The following TBCD variants were observed in gnomAD, a reference collection of about 807,000 sequenced individuals.
The protein encoded by TBCD is tubulin folding cofactor D, also known as tubulin-specific chaperone D.
In TBCD, 105 loss-of-function variants were observed where a neutral mutation model predicts 169.3. The ratio of observed to expected loss-of-function variants is 0.62; its 90% CI spans 0.53 to 0.73. The LOEUF is 0.73. Among genes scored for constraint, TBCD ranks in the 30% least tolerant of loss-of-function variants. TBCD has a pLI of 0.00. For missense variants in TBCD, 1,444 were observed against 1,600.1 expected (o/e 0.90, Z 1.66); for synonymous variants, 700 against 643.9 (o/e 1.09, Z -1.32).
chr17:82,780,494 G>C lies in TBCD; in HGVS notation c.639-1095G>C, dbSNP rs577563443. On this transcript the variant is annotated intron_variant, in intron 6 of 38. Coordinates refer to ENST00000355528, the MANE Select transcript of TBCD (RefSeq NM_005993.5). ...GGGCTAATTAGCTGGGCATGGTGGC[G>C]TGCGCTTGTAGTCCCAGCTACTCGA... is the stretch of plus-strand genomic sequence containing the variant. 3.3e-5 allele frequency among the ~76,000 whole-genome samples: 5 copies of C among 151,888 alleles called. No individual in the cohort carries two copies. The South Asian group carries it at 8.3e-4, about 25-fold the overall frequency.
At chr17:82,936,300 T>C (rs1210365815) in intron 34 of TBCD, among the ~76,000 whole-genome samples, 1 of 152,258 alleles carries the variant, frequency 6.6e-6, no homozygotes, top group African/African-American at 2.4e-5. Flanking sequence ...TGTGGAGTTT[T>C]GCGTCTTTTC....
chr17:82,775,073 C>T lies in TBCD; in HGVS notation c.638+2566C>T, dbSNP rs533912973. 3.9e-5 allele frequency among the ~76,000 whole-genome samples: 6 copies of T among 152,374 alleles called. No individual in the cohort carries two copies. The East Asian group carries it at 1.2e-3, about 29-fold the overall frequency. ...GCCAGGAGGCACCATCTGAGTACTT[C>T]TCCCTCCGTGGGGTCCTCCGGGAAA... is the stretch of plus-strand genomic sequence containing the variant. On this transcript the variant is annotated intron_variant, in intron 6 of 38. Transcript: ENST00000355528.
At chr17:82,824,145 T>G (rs1452698678) in intron 13 of TBCD, among the ~76,000 whole-genome samples, 1 of 152,126 alleles carries the variant, frequency 6.6e-6, no homozygotes, top group Non-Finnish European at 1.5e-5. Context: ...TTTCATTGTA[T>G]GGACATACCA....
rs645884 is a variant in TBCD at position 82,791,110 on chromosome 17, T to C, written c.772-6647T>C. Among the ~76,000 whole-genome samples the C allele has an allele frequency of 5.4e-3, 806 of 150,478 alleles. 6 individuals carry two copies. Among genetic ancestry groups the C allele is most frequent in the African/African-American group, 0.019 (764 of 40,842 alleles). On this transcript the variant is annotated intron_variant, in intron 7 of 38. Transcript: ENST00000355528. ...TTGCATCTTTTTTTTTTTTTTTTTT[T>C]AGACGGAGTCTCGCTCTGTTGCCCT...
At chr17:82,844,772 C>T (rs561197469) in intron 13 of TBCD, among the ~76,000 whole-genome samples, 18 of 152,296 alleles carry the variant, frequency 1.2e-4, no homozygotes, top group Admixed American at 5.2e-4. Context: ...AGAATTCTTG[C>T]GATTAGGTTT....
rs543203956 is a variant in TBCD at position 82,789,222 on chromosome 17, A to G, written c.771+7501A>G. On this transcript the variant is annotated intron_variant, in intron 7 of 38. Coordinates refer to ENST00000355528, the MANE Select transcript of TBCD (RefSeq NM_005993.5). The surrounding 1 kb of genome is among the most constrained non-coding windows in gnomAD (Gnocchi z 4.8). ...GTGGCGTTAAGGAAAGACCTGGAGC[A>G]GCCAGCTCCTAACACTCATTTCCCA... Among the ~76,000 whole-genome samples the G allele has an allele frequency of 6.6e-6, 1 of 152,338 alleles. No homozygotes were observed. The highest frequency in any genetic ancestry group is 2.4e-5 in the African/African-American group (1 of 41,570).
chr17:82,868,117 C>T (rs760689631), intron 13 of TBCD, among the ~76,000 whole-genome samples: 3 of 152,250 alleles, frequency 2.0e-5, no homozygotes, highest in South Asian at 2.1e-4. Flanking sequence ...GCGTGGCTGC[C>T]GCAGTTGGGG....
rs1331514017 is a variant in TBCD at position 82,944,326 on chromosome 17, G to A, written c.*1863G>A. 6.6e-6 allele frequency: 1 copy of A among 152,184 alleles called. No homozygotes were observed. The highest frequency in any genetic ancestry group is 1.5e-5 in the Non-Finnish European group (1 of 68,042). 9.4% of individuals were successfully genotyped at this position (152,184 alleles called of 1,614,324 possible). On this transcript the variant is annotated 3_prime_UTR_variant, in exon 39 of 39. Coordinates refer to ENST00000355528, the MANE Select transcript of TBCD (RefSeq NM_005993.5). ...CACTTGTGCTCACCAGACACCTGGT[G>A]GCCTGGAAAGCCCTCTTTCAGCAGC... is the stretch of plus-strand genomic sequence containing the variant.
At chr17:82,812,709 A>C (rs1368269115) in intron 12 of TBCD, among the ~76,000 whole-genome samples, 1 of 152,114 alleles carries the variant, frequency 6.6e-6, no homozygotes, top group Non-Finnish European at 1.5e-5. Context: ...ACGCTTGGCT[A>C]ATTTTTTGTA....
intron 13 of TBCD, among the ~76,000 whole-genome samples, chr17:82,858,976 G>A (rs1160658033): frequency 2.6e-5 from 4 of 152,230 alleles, no homozygotes; most frequent in South Asian, 4.2e-4. Context: ...CCGTGAGGCC[G>A]GGGCCAGGCT....
chr17:82,933,008 C>A (rs2062333418), intron 34 of TBCD, among the ~76,000 whole-genome samples: 1 of 152,130 alleles, frequency 6.6e-6, no homozygotes, highest in Non-Finnish European at 1.5e-5. Flanking sequence ...CTCCCCCCAG[C>A]TATCCCACCG....
At chr17:82,799,084 T>C (rs1483999481) in intron 8 of TBCD, among the ~76,000 whole-genome samples, 2 of 152,222 alleles carry the variant, frequency 1.3e-5, no homozygotes, top group Non-Finnish European at 2.9e-5. Flanking sequence ...ATAAGGGCAG[T>C]GTTTTTCTCC....
At chr17:82,755,731 A>G (rs2047369907) in intron 1 of TBCD, among the ~76,000 whole-genome samples, 1 of 152,126 alleles carries the variant, frequency 6.6e-6, no homozygotes, top group Non-Finnish European at 1.5e-5. Flanking sequence ...GGGGCTTAGA[A>G]TTTTGTTTTT....
chr17:82,906,695 G>A (rs1246514700), intron 20 of TBCD, among the ~76,000 whole-genome samples: 1 of 152,248 alleles, frequency 6.6e-6, no homozygotes, highest in Non-Finnish European at 1.5e-5. Flanking sequence ...ACGTTTTTAA[G>A]TTCATGCCCT....
intron 16 of TBCD, among the ~76,000 whole-genome samples, chr17:82,892,824 T>G (rs1006046791): frequency 6.6e-6 from 1 of 152,236 alleles, no homozygotes; most frequent in African/African-American, 2.4e-5. Flanking sequence ...TTTCCAGAAT[T>G]TCACATCCTG....
chr17:82,830,543 C>T, intron 13 of TBCD: 1 of 1,614,152 alleles, frequency 6.2e-7, no homozygotes, highest in Non-Finnish European at 8.5e-7. Context: ...GGCCCATCCT[C>T]AGAACCTTCT....
chr17:82,846,354 C>T (rs1453238540), intron 13 of TBCD, among the ~76,000 whole-genome samples: 2 of 151,002 alleles, frequency 1.3e-5, no homozygotes, highest in South Asian at 2.1e-4. Flanking sequence ...TCTGCTGCCC[C>T]CTCCATGCGC....
At chr17:82,936,044 T>C (rs1286009332) in intron 34 of TBCD, among the ~76,000 whole-genome samples, 2 of 152,264 alleles carry the variant, frequency 1.3e-5, no homozygotes, top group East Asian at 1.9e-4. Flanking sequence ...TTTTGAGTGT[T>C]ACCTCTGAGT....
Position 82,880,188 on chromosome 17 carries a change from T to C in TBCD, c.1476-3957T>C, listed in dbSNP as rs762871116. Among the ~76,000 whole-genome samples the C allele has an allele frequency of 2.6e-5, 4 of 152,226 alleles. No homozygotes were observed. The South Asian group carries it at 8.3e-4, about 32-fold the overall frequency. On this transcript the variant is annotated intron_variant, in intron 14 of 38. Transcript: ENST00000355528. The surrounding 1 kb of genome is among the most constrained non-coding windows in gnomAD (Gnocchi z 5.0). ...ATTTATCTCCTTACCTGTCTACTTATCAGTCTGTCTAGATGGGGTCTCGCT... is the reference window on the plus strand; with the variant it reads ...ATTTATCTCCTTACCTGTCTACTTACCAGTCTGTCTAGATGGGGTCTCGCT...
Sources: allele counts gnomAD v4.1 joint callset (sites outside exome capture counted in the v4.1 genomes callset), GRCh38; gene constraint gnomAD v4.1.1; non-coding constraint Gnocchi (gnomAD v3.1); transcripts MANE v1.5; gene names NCBI Gene and HGNC (gene_info 2026-07-23, HGNC 2026-07-21).